DLG2: variants seen among roughly 807,000 people sequenced by gnomAD.
DLG2 encodes the protein disks large homolog 2.
DLG2 carries 45 observed loss-of-function variants against 132.5 expected under a neutral mutation model. That is an observed-to-expected ratio of 0.34 (90% confidence interval 0.27 to 0.44). DLG2 has a LOEUF of 0.44. Among genes scored for constraint, DLG2 ranks in the 20% least tolerant of loss-of-function variants. The pLI, the probability that DLG2 is intolerant of heterozygous loss-of-function variation, is 1.00. For synonymous variants in DLG2, 424 were observed against 419.6 expected, an observed-to-expected ratio of 1.01 and a Z score of -0.13; for missense variants, 1,045 against 1,196.9, an observed-to-expected ratio of 0.87 and a Z score of 1.87.
At chr11:84,169,887 A>G (rs1268947381) in intron 8 of DLG2, among the ~76,000 whole-genome samples, 3 of 151,742 alleles carry the variant, frequency 2.0e-5, no homozygotes, top group Non-Finnish European at 4.4e-5. Context: ...AAAAAAAAAA[A>G]ATCTCAACTA....
chr11:84,993,262 G>A (rs541416253), intron 6 of DLG2, among the ~76,000 whole-genome samples: 1 of 152,296 alleles, frequency 6.6e-6, no homozygotes, highest in African/African-American at 2.4e-5. Context: ...GGGCCTGTCG[G>A]AGGGTGGGGG....
intron 18 of DLG2, among the ~76,000 whole-genome samples, chr11:83,650,523 G>GAAATCTTACA (rs2069881656): frequency 1.3e-5 from 2 of 152,090 alleles, no homozygotes; most frequent in Non-Finnish European, 2.9e-5. Context: ...TCAGACTTCT[G>GAAATCTTACA]GCCTCCAAAA....
chr11:84,874,313 G>A (rs1246451992), intron 6 of DLG2, among the ~76,000 whole-genome samples: 4 of 152,192 alleles, frequency 2.6e-5, no homozygotes, highest in South Asian at 4.1e-4. Context: ...AAATCCTTGG[G>A]AGAAAGAGAG....
intron 6 of DLG2, among the ~76,000 whole-genome samples, chr11:84,721,111 C>A (rs1254086037): frequency 6.6e-6 from 1 of 152,056 alleles, no homozygotes; most frequent in East Asian, 1.9e-4. Context: ...TACAGCCACC[C>A]GAGGGTAGAA....
intron 8 of DLG2, among the ~76,000 whole-genome samples, chr11:84,245,748 A>C (rs1362363142): frequency 6.6e-6 from 1 of 152,234 alleles, no homozygotes; most frequent in Non-Finnish European, 1.5e-5. Flanking sequence ...CACTTTGTTT[A>C]GTGCCATTGA....
intron 6 of DLG2, among the ~76,000 whole-genome samples, chr11:84,944,421 T>C (rs1219199072): frequency 6.6e-6 from 1 of 152,040 alleles, no homozygotes; most frequent in Non-Finnish European, 1.5e-5. Context: ...CATCATTTTT[T>C]GTTTTTCTTT....
intron 19 of DLG2, among the ~76,000 whole-genome samples, chr11:83,590,705 G>A (rs1307011986): frequency 6.6e-6 from 1 of 152,092 alleles, no homozygotes; most frequent in Non-Finnish European, 1.5e-5. Flanking sequence ...TCCAGGAGCT[G>A]GTTTTTTGAA....
chr11:84,691,440 A>C (rs1424731084), intron 6 of DLG2, among the ~76,000 whole-genome samples: 1 of 151,842 alleles, frequency 6.6e-6, no homozygotes, highest in Non-Finnish European at 1.5e-5. Context: ...ATAAATGAAA[A>C]ATCAGTAGAA....
chr11:84,686,432 C>A (rs1283271134), intron 6 of DLG2, among the ~76,000 whole-genome samples: 1 of 152,122 alleles, frequency 6.6e-6, no homozygotes, highest in Admixed American at 6.6e-5. Context: ...AAACAACAAC[C>A]TGGATTTGGT....
intron 4 of DLG2, among the ~76,000 whole-genome samples, chr11:85,216,652 T>C (rs757470558): frequency 6.6e-6 from 1 of 152,092 alleles, no homozygotes; most frequent in Non-Finnish European, 1.5e-5. Flanking sequence ...AATCACAGAA[T>C]CTTAGGGTCG....
intron 6 of DLG2, among the ~76,000 whole-genome samples, chr11:84,981,059 C>T (rs112508708): frequency 1.2e-4 from 18 of 152,160 alleles, no homozygotes; most frequent in East Asian, 7.7e-4. Context: ...AGCATAGCCT[C>T]GGTCTAATGC....
At chr11:85,015,962 A>G (rs753353766) in intron 6 of DLG2, among the ~76,000 whole-genome samples, 6 of 152,174 alleles carry the variant, frequency 3.9e-5, no homozygotes, top group Non-Finnish European at 1.5e-5. Context: ...CAAAAACAAC[A>G]TAATGTCTAC....
At chr11:83,849,124 G>C (rs1030176788) in intron 16 of DLG2, among the ~76,000 whole-genome samples, 18 of 152,170 alleles carry the variant, frequency 1.2e-4, no homozygotes, top group African/African-American at 4.3e-4. Flanking sequence ...TTAAAACTGA[G>C]ATTTGCCATT....
chr11:85,066,051 G>A (rs1334601707), intron 6 of DLG2, among the ~76,000 whole-genome samples: 3 of 151,334 alleles, frequency 2.0e-5, no homozygotes, highest in Non-Finnish European at 4.4e-5. Flanking sequence ...AAACAAAATA[G>A]CCAGATTAAC....
intron 2 of DLG2, among the ~76,000 whole-genome samples, chr11:85,606,666 C>A (rs1223664333): frequency 6.6e-6 from 1 of 152,172 alleles, no homozygotes; most frequent in Admixed American, 6.5e-5. Context: ...TCGCTCTTCA[C>A]AATAAATCTT....
intron 8 of DLG2, among the ~76,000 whole-genome samples, chr11:84,175,656 C>G (rs1328986709): frequency 6.6e-6 from 1 of 152,094 alleles, no homozygotes; most frequent in Non-Finnish European, 1.5e-5. Flanking sequence ...TCTTCGCTAT[C>G]TCATATAATC....
chr11:85,352,155 T>A (rs931122119), intron 3 of DLG2, among the ~76,000 whole-genome samples: 1 of 152,128 alleles, frequency 6.6e-6, no homozygotes, highest in African/African-American at 2.4e-5. Context: ...TATGTGTCCA[T>A]GAATTTATCC....
chr11:85,382,050 C>T (rs2152931424), intron 3 of DLG2, among the ~76,000 whole-genome samples: 1 of 152,204 alleles, frequency 6.6e-6, no homozygotes, highest in South Asian at 2.1e-4. Flanking sequence ...TACGGAAATG[C>T]ATGGGACCCA....
At chr11:85,265,091 GCTC>G (rs1244903742) in intron 4 of DLG2, among the ~76,000 whole-genome samples, 1 of 152,028 alleles carries the variant, frequency 6.6e-6, no homozygotes, top group South Asian at 2.1e-4. Flanking sequence ...TACTCTATTT[GCTC>G]CTATTACATT....
Sources: gnomAD v4.1 joint callset for allele counts (sites outside exome capture counted in the v4.1 genomes callset) on GRCh38, gnomAD v4.1.1 for gene constraint, MANE v1.5 for transcripts, NCBI Gene and HGNC (gene_info 2026-07-23, HGNC 2026-07-21) for gene names.